Variants in COL18A1 observed in about 807,000 individuals in gnomAD.
COL18A1 encodes collagen type XVIII alpha 1 chain.
In COL18A1, 133 loss-of-function variants were observed where a neutral mutation model predicts 168.0. The observed-to-expected ratio is 0.79, with a 90% CI of 0.69 to 0.91. The LOEUF (loss-of-function observed/expected upper bound fraction) is 0.91, where lower values mean the gene tolerates loss of function less well. COL18A1 is among the 40% of genes least tolerant of loss of function. COL18A1 has a pLI of 0.00. For missense variants in COL18A1, 2,126 were observed against 1,925.4 expected (o/e 1.10, Z -1.95); for synonymous variants, 949 against 809.0 (o/e 1.17, Z -2.94).
chr21:45,512,149 C>A (rs368710206), intron 41 of COL18A1, 39 bp from the exon 42 acceptor site: 2 of 1,586,866 alleles, frequency 1.3e-6, no homozygotes, highest in African/African-American at 2.7e-5. Flanking sequence ...CTAAGCAGAG[C>A]AGGTCTGGGT....
In COL18A1 at chr21:45,471,048, C is replaced by T. The variant is rs548506659; in HGVS notation, c.651+2262C>T. 2.1e-5 allele frequency among the ~76,000 whole-genome samples: 3 copies of T among 146,274 alleles called. No homozygotes were observed. The highest frequency in any genetic ancestry group is 2.0e-4 in the East Asian group (1 of 4,938). ...GGCTTGTGCTGCTGGGTGTGGGTGG[C>T]GCGCTACGGGCCTTGTGCTGCTGGG... On this transcript the variant is annotated intron_variant, in intron 3 of 41. Coordinates refer to ENST00000651438, the MANE Select transcript of COL18A1 (RefSeq NM_001379500.1). The surrounding 1 kb of genome is among the most constrained non-coding windows in gnomAD (Gnocchi z 4.4).
At chr21:45,478,215 G>T in intron 8 of COL18A1, 112 bp from the exon 9 acceptor site, 1 of 1,414,326 alleles carries the variant, frequency 7.1e-7, no homozygotes, top group Non-Finnish European at 1.0e-6. Flanking sequence ...TCGGGGGAAG[G>T]CGTCTGCCGC....
At chr21:45,421,411 C>T (rs902332337) in intron 2 of COL18A1, 1 of 534,202 alleles carries the variant, frequency 1.9e-6, no homozygotes, top group Non-Finnish European at 3.8e-6. Context: ...GAGCCAGAGT[C>T]CGCCCGTGTG....
chr21:45,411,816 C>T (rs111258613), intron 2 of COL18A1, among the ~76,000 whole-genome samples: 45 of 149,924 alleles, frequency 3.0e-4, no homozygotes, highest in African/African-American at 9.7e-4. Context: ...GGGAGGGCCT[C>T]GCTTCTGATG....
At chr21:45,503,750 A>C (rs2037005774) in intron 32 of COL18A1, among the ~76,000 whole-genome samples, 1 of 152,154 alleles carries the variant, frequency 6.6e-6, no homozygotes, top group Non-Finnish European at 1.5e-5. Context: ...ACTAACCTGC[A>C]CATCATGCAC....
At chr21:45,504,217 C>A (rs1458778889) in intron 33 of COL18A1, 163 bp downstream of exon 33, 1 of 934,404 alleles carries the variant, frequency 1.1e-6, no homozygotes, top group South Asian at 1.4e-5. Context: ...CAGGATGTTC[C>A]TGTCCCCGGC....
At chr21:45,435,357 C>G (rs1300938591) in intron 2 of COL18A1, among the ~76,000 whole-genome samples, 1 of 148,940 alleles carries the variant, frequency 6.7e-6, no homozygotes, top group East Asian at 1.9e-4. Flanking sequence ...CATCAGAGAC[C>G]TCCTGCAGAC....
chr21:45,475,616 A>G (rs551127846), intron 5 of COL18A1, 81 bp downstream of exon 5: 1 of 1,199,432 alleles, frequency 8.3e-7, no homozygotes, highest in Non-Finnish European at 1.2e-6. Flanking sequence ...ACATGTGCAC[A>G]CGCAGGTGTG....
At chr21:45,495,239 G>T in intron 28 of COL18A1, 119 bp from the exon 29 acceptor site, 1 of 824,912 alleles carries the variant, frequency 1.2e-6, no homozygotes, top group African/African-American at 1.7e-5. Context: ...AGCTGGGAAC[G>T]TGTGAGGCTG....
Position 45,512,304 on chromosome 21 carries a change from TG to T in COL18A1, c.3932del (p.Gly1311AlafsTer25). On this transcript the variant is annotated frameshift_variant, in exon 42 of 42. Transcript: ENST00000651438. LOFTEE classifies it low-confidence loss of function (END_TRUNC). ...GCCACGGGCCAGGCCTCCTCGCTGCTGGGGGGCAGGCTCCTGGGGCAGAGTG... is the reference window on the plus strand; with the variant it reads ...GCCACGGGCCAGGCCTCCTCGCTGCTGGGGGCAGGCTCCTGGGGCAGAGTG... ...PSATGQASSL[L>X]GGRLLGQSAA... is the part of the protein sequence containing the mutation. 1 of 1,612,376 alleles carries T rather than the reference TG, an allele frequency of 6.2e-7. No homozygotes were observed. Among genetic ancestry groups the T allele is most frequent in the Non-Finnish European group, 8.5e-7 (1 of 1,179,746 alleles).
At chr21:45,435,353 A>G (rs887958566) in intron 2 of COL18A1, among the ~76,000 whole-genome samples, 1 of 148,452 alleles carries the variant, frequency 6.7e-6, no homozygotes, top group Non-Finnish European at 1.5e-5. Context: ...TCCCCATCAG[A>G]GACCTCCTGC....
intron 2 of COL18A1, among the ~76,000 whole-genome samples, chr21:45,429,945 A>G (rs1602363436): frequency 6.9e-6 from 1 of 144,240 alleles, no homozygotes; most frequent in African/African-American, 2.7e-5. Flanking sequence ...CTCATTGGGG[A>G]CCCCCCGTCT....
rs73907522 is a variant in COL18A1, at chr21:45,473,247, G to A, written c.652-648G>A. On this transcript the variant is annotated intron_variant, in intron 3 of 41. Coordinates refer to ENST00000651438, the MANE Select transcript of COL18A1 (RefSeq NM_001379500.1). This position sits in a 1 kb window ranked among gnomAD's most constrained non-coding sequence, Gnocchi z 4.0. ...CGCCGGCCGCGCCAGGGCCCGAGAG[G>A]GCAGGGTCAGGCACCCTGGCACTCA... 4.4e-3 allele frequency among the ~76,000 whole-genome samples: 675 copies of A among 152,360 alleles called. 9 individuals carry two copies. The highest frequency in any genetic ancestry group is 0.016 in the African/African-American group (653 of 41,592).
chr21:45,497,370 C>T (rs2146013881), intron 31 of COL18A1, among the ~76,000 whole-genome samples: 1 of 152,360 alleles, frequency 6.6e-6, no homozygotes, highest in Admixed American at 6.5e-5. Flanking sequence ...CCCGTCCCTC[C>T]TGTTGGTCAG....
At chr21:45,492,744 G>GCCCGCCACTACCCT in intron 24 of COL18A1, 31 bp downstream of exon 24, 1 of 1,551,334 alleles carries the variant, frequency 6.4e-7, no homozygotes, top group Non-Finnish European at 8.8e-7. Flanking sequence ...GCTGCATGCT[G>GCCCGCCACTACCCT]CCCGGCTGGG....
chr21:45,461,380 C>T (rs533810995), intron 2 of COL18A1, among the ~76,000 whole-genome samples: 1 of 152,062 alleles, frequency 6.6e-6, no homozygotes, highest in East Asian at 2.0e-4. Context: ...GCCCCCGTTG[C>T]CTATGCACAG....
intron 2 of COL18A1, among the ~76,000 whole-genome samples, chr21:45,408,729 C>G (rs929772332): frequency 6.6e-6 from 1 of 152,212 alleles, no homozygotes; most frequent in South Asian, 2.1e-4. Flanking sequence ...CTCCCACCCC[C>G]GCTCACTGTG....
At position 45,511,093 on chromosome 21, in the gene COL18A1, A is replaced by ACT. The variant is rs1568955000; in HGVS notation, c.3694-17_3694-16insTC. The ACT allele has an allele frequency of 7.2e-7, 1 of 1,388,188 alleles. No homozygotes were observed. Among genetic ancestry groups the ACT allele is most frequent in the Non-Finnish European group, 9.9e-7 (1 of 1,011,890 alleles). 86.0% of individuals were successfully genotyped at this position (1,388,188 alleles called of 1,614,324 possible). On this transcript the variant is annotated splice_polypyrimidine_tract_variant and intron_variant, in intron 40 of 41. Coordinates refer to ENST00000651438, the MANE Select transcript of COL18A1 (RefSeq NM_001379500.1). Reference sequence around the variant, plus strand: ...ACCCCCACACACCACACACACATACACACGGTTTCTCTTCCAGGACGAGCT... The same window carrying ACT: ...ACCCCCACACACCACACACACATACACTCACGGTTTCTCTTCCAGGACGAGCT...
At chr21:45,491,036 G>T (rs1036169846) in intron 21 of COL18A1, among the ~76,000 whole-genome samples, 165 bp downstream of exon 21, 1 of 152,156 alleles carries the variant, frequency 6.6e-6, no homozygotes, top group Non-Finnish European at 1.5e-5. Flanking sequence ...TGGGGGCAGC[G>T]TGTGTGGCTC....
Sources: gnomAD v4.1 joint callset for allele counts (sites outside exome capture counted in the v4.1 genomes callset) on GRCh38, gnomAD v4.1.1 for gene constraint, Gnocchi (gnomAD v3.1) non-coding constraint, MANE v1.5 for transcripts, NCBI Gene and HGNC (gene_info 2026-07-23, HGNC 2026-07-21) for gene names.